The following DAPP1 variants were observed in gnomAD, a reference collection of about 807,000 sequenced individuals.
DAPP1 encodes dual adaptor of phosphotyrosine and 3-phosphoinositides 1, also known as dual adapter for phosphotyrosine and 3-phosphotyrosine and 3-phosphoinositide.
In DAPP1, 20 loss-of-function variants were observed where a neutral mutation model predicts 41.5. That is an observed-to-expected ratio of 0.48 (90% CI 0.34 to 0.70). DAPP1 has a LOEUF of 0.70. Among genes scored for constraint, DAPP1 ranks in the 30% least tolerant of loss-of-function variants. DAPP1 has a pLI of 0.01. For missense variants in DAPP1, 233 were observed against 333.4 expected (o/e 0.70, Z 2.35); for synonymous variants, 113 against 116.2 (o/e 0.97, Z 0.18).
chr4:99,859,106 A>G (rs1724150030), intron 4 of DAPP1, among the ~76,000 whole-genome samples: 1 of 152,030 alleles, frequency 6.6e-6, no homozygotes, highest in Non-Finnish European at 1.5e-5. Context: ...TGTAGAGTCA[A>G]GGTTTCACCA....
chr4:99,867,726 A>G (rs1418564407), intron 8 of DAPP1, among the ~76,000 whole-genome samples: 3 of 152,220 alleles, frequency 2.0e-5, no homozygotes, highest in Non-Finnish European at 1.5e-5. Context: ...ACAAACTCCA[A>G]ACAAAACAAA....
At chr4:99,835,578 T>C (rs2110143118) in intron 1 of DAPP1, 45 bp from the exon 2 acceptor site, 2 of 1,602,408 alleles carry the variant, frequency 1.2e-6, no homozygotes, top group Middle Eastern at 2.2e-4. Flanking sequence ...GGGGGAGTCA[T>C]GCCATGGTTT....
At chr4:99,858,216 T>C (rs966034750) in intron 4 of DAPP1, among the ~76,000 whole-genome samples, 8 of 152,248 alleles carry the variant, frequency 5.3e-5, no homozygotes, top group Non-Finnish European at 1.2e-4. Flanking sequence ...CAAGTTGCAC[T>C]TATCTGTCCT....
chr4:99,864,174 A>T, intron 7 of DAPP1: 1 of 181,138 alleles, frequency 5.5e-6, no homozygotes, highest in Non-Finnish European at 1.1e-5. Flanking sequence ...GACTCTAATG[A>T]TAGGTGATTT....
intron 4 of DAPP1, among the ~76,000 whole-genome samples, chr4:99,853,902 C>T (rs1723955587): frequency 6.6e-6 from 1 of 152,126 alleles, no homozygotes; most frequent in Non-Finnish European, 1.5e-5. Context: ...CCTTAGTTAA[C>T]CAAACAACTT....
intron 1 of DAPP1, among the ~76,000 whole-genome samples, chr4:99,818,244 T>A (rs1722655647): frequency 2.0e-5 from 3 of 152,266 alleles, no homozygotes; most frequent in South Asian, 2.1e-4. Flanking sequence ...AATCTCTCTA[T>A]CCCTCTAGAT....
chr4:99,852,512 C>G (rs1723898605), intron 3 of DAPP1, among the ~76,000 whole-genome samples: 1 of 152,164 alleles, frequency 6.6e-6, no homozygotes, highest in South Asian at 2.1e-4. Context: ...ACCCCCTGGG[C>G]TGAGCCCTTT....
Position 99,866,015 on chromosome 4 carries a change from C to G in DAPP1, c.687-19C>G. ...CTAATGATCTGCAATATCTTATGTT[C>G]TTTCTTTTGTCCTATTAGTTTGGTA... On this transcript the variant is annotated intron_variant, in intron 7 of 8. Transcript: ENST00000512369. The G allele has an allele frequency of 3.6e-6, 4 of 1,095,982 alleles. No homozygotes were observed. Among genetic ancestry groups the G allele is most frequent in the Non-Finnish European group, 5.0e-6 (4 of 802,968 alleles). The allele number at this position is 1,095,982 out of a possible 1,614,324, so 67.9% of individuals were successfully genotyped here. A position where few individuals can be genotyped will look rare whatever the true frequency, so the allele number is the denominator to read the frequency against.
intron 1 of DAPP1, among the ~76,000 whole-genome samples, chr4:99,822,804 C>T (rs1420882636): frequency 6.6e-6 from 1 of 152,140 alleles, no homozygotes; most frequent in African/African-American, 2.4e-5. Flanking sequence ...TACCAACTCC[C>T]GTAGAGGATA....
intron 1 of DAPP1, among the ~76,000 whole-genome samples, chr4:99,818,102 T>G (rs1722650971): frequency 6.6e-6 from 1 of 152,220 alleles, no homozygotes; most frequent in Admixed American, 6.5e-5. Flanking sequence ...TAAAAGTTTA[T>G]TAATAATTCC....
intron 1 of DAPP1, among the ~76,000 whole-genome samples, chr4:99,826,135 G>A (rs1182002187): frequency 6.6e-6 from 1 of 152,196 alleles, no homozygotes; most frequent in Non-Finnish European, 1.5e-5. Flanking sequence ...TTCTATCACT[G>A]TTGTGTTCAG....
chr4:99,845,264 T>C (rs553258937), intron 3 of DAPP1, among the ~76,000 whole-genome samples: 1 of 152,330 alleles, frequency 6.6e-6, no homozygotes, highest in South Asian at 2.1e-4. Context: ...AAAGCATAGA[T>C]GCTTTCCATG....
intron 1 of DAPP1, among the ~76,000 whole-genome samples, chr4:99,822,478 T>C (rs1049009281): frequency 6.6e-6 from 1 of 152,196 alleles, no homozygotes; most frequent in Admixed American, 6.5e-5. Flanking sequence ...GTGGAGAAGA[T>C]GGCCTTGGAG....
At chr4:99,865,029 T>C (rs1322205542) in intron 7 of DAPP1, 1 of 152,172 alleles carries the variant, frequency 6.6e-6, no homozygotes, top group Non-Finnish European at 1.5e-5. Context: ...TACCAAACAA[T>C]GACAATGACA....
Position 99,864,082 on chromosome 4 carries a change from A to G in DAPP1, c.686+227A>G. 8.3e-6 allele frequency: 3 copies of G among 362,460 alleles called. No individual in the cohort carries two copies. The East Asian group carries it at 1.6e-4, about 19-fold the overall frequency. 22.5% of individuals were successfully genotyped at this position (362,460 alleles called of 1,614,324 possible). On this transcript the variant is annotated intron_variant, in intron 7 of 8. Coordinates refer to ENST00000512369, the MANE Select transcript of DAPP1 (RefSeq NM_014395.3). ...TTATGTTGCGTACTGGAGAAGTATG[A>G]CTCACATAGAGGATGCCATTCACAT...
At chr4:99,856,909 C>A (rs758117789) in intron 4 of DAPP1, among the ~76,000 whole-genome samples, 13 of 152,072 alleles carry the variant, frequency 8.5e-5, no homozygotes, top group Non-Finnish European at 1.6e-4. Flanking sequence ...CCTTGGGAAC[C>A]CAAATCTTTT....
intron 1 of DAPP1, among the ~76,000 whole-genome samples, chr4:99,817,895 C>T (rs558775039): frequency 6.6e-6 from 1 of 152,346 alleles, no homozygotes; most frequent in South Asian, 2.1e-4. Context: ...CTGTTGTCAT[C>T]TTCATCTTAC....
rs555905197 is a variant in DAPP1 at position 99,842,489 on chromosome 4, G to C, written c.358+2067G>C. ...CCAGCCCTTGAGTTAGAGTCCACCA[G>C]CTTTATTCCTCTTATCTGTCCCAGC... On this transcript the variant is annotated intron_variant, in intron 3 of 8. Coordinates refer to ENST00000512369, the MANE Select transcript of DAPP1 (RefSeq NM_014395.3). Among the ~76,000 whole-genome samples the C allele has an allele frequency of 9.4e-4, 143 of 152,340 alleles. 1 individual carries two copies. The highest frequency in any genetic ancestry group is 1.4e-3 in the Non-Finnish European group (93 of 68,036).
chr4:99,829,223 C>T (rs1416124119), intron 1 of DAPP1, among the ~76,000 whole-genome samples: 3 of 152,026 alleles, frequency 2.0e-5, no homozygotes, highest in African/African-American at 7.2e-5. Flanking sequence ...CTCATGCCTG[C>T]AATCCCAACA....
Sources: gnomAD v4.1 joint callset for allele counts (sites outside exome capture counted in the v4.1 genomes callset) on GRCh38, gnomAD v4.1.1 for gene constraint, MANE v1.5 for transcripts, NCBI Gene and HGNC (gene_info 2026-07-23, HGNC 2026-07-21) for gene names.